Variants in SCHIP1 observed in about 807,000 individuals in gnomAD.
SCHIP1 encodes schwannomin-interacting protein 1.
A neutral mutation model predicts 29.7 loss-of-function variants in SCHIP1; 8 were observed. The ratio of observed to expected loss-of-function variants is 0.27; its 90% CI spans 0.16 to 0.49. The LOEUF (loss-of-function observed/expected upper bound fraction) is 0.49. SCHIP1 is among the 20% of genes least tolerant of loss of function. The probability of loss-of-function intolerance (pLI) is 0.99; values close to 1 mark genes in which losing one functional copy is unlikely to be tolerated. For missense variants in SCHIP1, 193 were observed against 294.6 expected, an observed-to-expected ratio of 0.66 and a Z score of 2.52; for synonymous variants, 76 against 94.9, an observed-to-expected ratio of 0.80 and a Z score of 1.16.
chr3:159,665,522 T>TGTG, the SCHIP1 span, among the ~76,000 whole-genome samples: 1 of 150,068 alleles, frequency 6.7e-6, no homozygotes, highest in African/African-American at 2.5e-5. Flanking sequence ...TGTTTTTTGT[T>TGTG]GTGGTGGTTT....
At chr3:159,371,571 G>A in the SCHIP1 span, among the ~76,000 whole-genome samples, 3 of 152,174 alleles carry the variant, frequency 2.0e-5, no homozygotes, top group Non-Finnish European at 4.4e-5. Flanking sequence ...AGTGTATATG[G>A]AAGTGCTTTG....
the SCHIP1 span, among the ~76,000 whole-genome samples, chr3:159,484,306 A>G: frequency 3.0e-3 from 464 of 152,340 alleles, 1 homozygote; most frequent in African/African-American, 0.011. Flanking sequence ...TCCTTAGGCT[A>G]TATCAATATG....
chr3:159,874,131 T>C (rs1178735343), intron 2 of SCHIP1, among the ~76,000 whole-genome samples: 2 of 152,200 alleles, frequency 1.3e-5, no homozygotes, highest in African/African-American at 4.8e-5. Context: ...TTTTACCTTT[T>C]CTCAGAGTAA....
At chr3:159,382,085 C>A in the SCHIP1 span, among the ~76,000 whole-genome samples, 1 of 151,778 alleles carries the variant, frequency 6.6e-6, no homozygotes, top group African/African-American at 2.4e-5. Context: ...CACATAGCCA[C>A]ACTTACTTTT....
At chr3:159,460,533 A>G in the SCHIP1 span, among the ~76,000 whole-genome samples, 1 of 152,218 alleles carries the variant, frequency 6.6e-6, no homozygotes, top group Non-Finnish European at 1.5e-5. Context: ...GAAGCAGCAT[A>G]TATGAGGGCA....
At chr3:159,426,211 A>C in the SCHIP1 span, among the ~76,000 whole-genome samples, 6 of 152,234 alleles carry the variant, frequency 3.9e-5, no homozygotes, top group Non-Finnish European at 8.8e-5. Flanking sequence ...ACTGAAGGAA[A>C]TAGAGACACA....
intron 1 of SCHIP1, among the ~76,000 whole-genome samples, chr3:159,850,732 G>A (rs1463438409): frequency 6.6e-6 from 1 of 152,162 alleles, no homozygotes; most frequent in East Asian, 1.9e-4. Context: ...GCAGGAGGAA[G>A]GGAAAGAGTG....
chr3:159,844,729 A>C (rs1711555583), intron 1 of SCHIP1, among the ~76,000 whole-genome samples: 1 of 152,178 alleles, frequency 6.6e-6, no homozygotes, highest in African/African-American at 2.4e-5. Context: ...AAGCTCTTAA[A>C]TATTTTTTCC....
chr3:159,396,518 G>A, the SCHIP1 span, among the ~76,000 whole-genome samples: 1,152 of 147,192 alleles, frequency 7.8e-3, 22 homozygotes, highest in African/African-American at 0.027. Context: ...CAGGCCTGGT[G>A]GTGACAAAAT....
the SCHIP1 span, among the ~76,000 whole-genome samples, chr3:159,740,557 A>C: frequency 1.3e-5 from 2 of 151,616 alleles, no homozygotes; most frequent in Admixed American, 6.6e-5. Flanking sequence ...CCCTGCCCCC[A>C]AAAAATCCAA....
At chr3:159,760,413 G>A in the SCHIP1 span, among the ~76,000 whole-genome samples, 94 of 152,290 alleles carry the variant, frequency 6.2e-4, 1 homozygote, top group African/African-American at 2.3e-3. Context: ...TAAGCTGAGT[G>A]ACTAGGACAA....
intron 2 of SCHIP1, among the ~76,000 whole-genome samples, chr3:159,884,508 G>A (rs1716779914): frequency 6.6e-6 from 1 of 151,866 alleles, no homozygotes; most frequent in African/African-American, 2.4e-5. Flanking sequence ...TCTACATCAG[G>A]GATTATTGTG....
the SCHIP1 span, among the ~76,000 whole-genome samples, chr3:159,510,374 CT>C: frequency 6.6e-6 from 1 of 152,114 alleles, no homozygotes; most frequent in Non-Finnish European, 1.5e-5. Flanking sequence ...TTCGTCTAAT[CT>C]TTTTTCAAGG....
the SCHIP1 span, among the ~76,000 whole-genome samples, chr3:159,574,777 C>T: frequency 6.6e-6 from 1 of 152,220 alleles, no homozygotes; most frequent in African/African-American, 2.4e-5. Flanking sequence ...CCAGTTCGAG[C>T]TTCCCAGCCA....
the SCHIP1 span, among the ~76,000 whole-genome samples, chr3:159,662,393 C>T: frequency 6.6e-6 from 1 of 152,188 alleles, no homozygotes; most frequent in African/African-American, 2.4e-5. Context: ...TATTTCTGTG[C>T]AGCACTGAGG....
chr3:159,442,203 T>C, the SCHIP1 span, among the ~76,000 whole-genome samples: 1 of 152,114 alleles, frequency 6.6e-6, no homozygotes, highest in African/African-American at 2.4e-5. Context: ...AGACTCTAGG[T>C]TGAGCTAAAG....
the SCHIP1 span, among the ~76,000 whole-genome samples, chr3:159,295,166 C>T: frequency 6.6e-6 from 1 of 150,654 alleles, no homozygotes; most frequent in Non-Finnish European, 1.5e-5. Context: ...TTTAATAATC[C>T]CAGCACTTTG....
chr3:159,335,295 C>T, the SCHIP1 span, among the ~76,000 whole-genome samples: 401 of 152,288 alleles, frequency 2.6e-3, 2 homozygotes, highest in African/African-American at 9.2e-3. Context: ...CACATCCCTG[C>T]ACTTGGCATG....
chr3:159,365,926 T>C, the SCHIP1 span, among the ~76,000 whole-genome samples: 2 of 152,210 alleles, frequency 1.3e-5, no homozygotes, highest in African/African-American at 4.8e-5. Context: ...GTACTTTGGG[T>C]TCCCAACAAC....
Sources: allele counts gnomAD v4.1 joint callset (sites outside exome capture counted in the v4.1 genomes callset), GRCh38; gene constraint gnomAD v4.1.1; transcripts MANE v1.5; gene names NCBI Gene and HGNC (gene_info 2026-07-23, HGNC 2026-07-21).